Variants in EGF observed in about 807,000 individuals in gnomAD.
EGF encodes the protein epidermal growth factor.
EGF carries 95 observed loss-of-function variants against 143.8 expected under a neutral mutation model. That is an observed-to-expected ratio of 0.66 (90% CI 0.56 to 0.78). The LOEUF (loss-of-function observed/expected upper bound fraction) is 0.78. EGF is among the 30% of genes least tolerant of loss of function. The pLI is 0.00. For synonymous variants in EGF, 510 were observed against 510.5 expected (o/e 1.00, Z 0.01); for missense variants, 1,320 against 1,470.9 (o/e 0.90, Z 1.68).
At chr4:109,982,303 C>T (rs1749494306) in intron 15 of EGF, among the ~76,000 whole-genome samples, 2 of 151,348 alleles carry the variant, frequency 1.3e-5, no homozygotes, top group South Asian at 4.2e-4. Context: ...GCTACCCTGC[C>T]CAGCCAATTT....
chr4:109,979,498 C>G (rs967225511), intron 13 of EGF, among the ~76,000 whole-genome samples: 2 of 152,060 alleles, frequency 1.3e-5, no homozygotes, highest in Non-Finnish European at 2.9e-5. Context: ...TGGGGAGACT[C>G]TTATACAATT....
Position 109,945,263 on chromosome 4 carries a change from A to C in EGF, c.928A>C (p.Thr310Pro). 1 of 1,613,878 alleles carries C rather than the reference A, an allele frequency of 6.2e-7. No individual in the cohort carries two copies. The highest frequency in any genetic ancestry group is 8.5e-7 in the Non-Finnish European group (1 of 1,179,884). Residue 310 changes from threonine (T) to proline (P), a missense_variant, in exon 5 of 24, where the codon ACT (threonine) becomes CCT (proline). Coordinates refer to ENST00000265171, the MANE Select transcript of EGF (RefSeq NM_001963.6). ...TGCACAACCCAAGGCAGAAGATGAC[A>C]CTTGGGAGCCTGGTGAGTCATCGTT... ...PLAQPKAEDD[T>P]WEPEQKLCKL...
chr4:109,991,503 G>A (rs1388688443), intron 18 of EGF, among the ~76,000 whole-genome samples: 1 of 152,070 alleles, frequency 6.6e-6, no homozygotes, highest in Non-Finnish European at 1.5e-5. Flanking sequence ...ATGGCGCGGA[G>A]GAAACATGGG....
rs140612901 is a variant in EGF, at chr4:110,013,661, G to A, written c.*2206G>A. On this transcript the variant is annotated 3_prime_UTR_variant, in exon 24 of 24. Coordinates refer to ENST00000265171, the MANE Select transcript of EGF (RefSeq NM_001963.6). ...TCCCTAACTCTCATCGTCTCATTGC[G>A]CGCAACGCCTGATTGAGCTTCTGTT... is the stretch of plus-strand genomic sequence containing the variant. Among the ~76,000 whole-genome samples, 97 of 151,948 alleles carry A rather than the reference G, an allele frequency of 6.4e-4. No homozygotes were observed. Among genetic ancestry groups the A allele is most frequent in the African/African-American group, 2.2e-3 (90 of 41,456 alleles).
Position 109,932,360 on chromosome 4 carries a change from C to CATATATATATATATATATATATAT in EGF, c.128-8569_128-8568insTATATATATATATATATATATATA, listed in dbSNP as rs57424246. 2.1e-3 allele frequency among the ~76,000 whole-genome samples: 178 copies of CATATATATATATATATATATATAT among 86,802 alleles called. 2 individuals carry two copies. Among genetic ancestry groups the CATATATATATATATATATATATAT allele is most frequent in the African/African-American group, 3.6e-3 (81 of 22,580 alleles). The allele number at this position is 86,802 out of a possible 152,430, so 56.9% of individuals were successfully genotyped here. A position where few individuals can be genotyped will look rare whatever the true frequency, so the allele number is the denominator to read the frequency against. On this transcript the variant is annotated intron_variant, in intron 1 of 23. Coordinates refer to ENST00000265171, the MANE Select transcript of EGF (RefSeq NM_001963.6). The stretch of plus-strand genomic sequence containing the variant: ...TTTACATGAAAACCTCCCATTTAGT[C>CATATATATATATATATATATATAT]ATATATATATATATATAAATTTTTT...
At chr4:109,938,647 G>A (rs1400427678) in intron 1 of EGF, among the ~76,000 whole-genome samples, 1 of 152,170 alleles carries the variant, frequency 6.6e-6, no homozygotes, top group Non-Finnish European at 1.5e-5. Context: ...TCCCATCTTA[G>A]CGGTTTTATC....
At chr4:109,973,265 C>T (rs1218332418) in intron 11 of EGF, among the ~76,000 whole-genome samples, 7 of 152,166 alleles carry the variant, frequency 4.6e-5, no homozygotes, top group Non-Finnish European at 2.9e-5. Flanking sequence ...CATCTCCTGC[C>T]TGCCTCGCCC....
At chr4:109,987,667 T>C in intron 16 of EGF, 77 bp from the exon 17 acceptor site, 1 of 1,211,068 alleles carries the variant, frequency 8.3e-7, no homozygotes, top group East Asian at 2.3e-5. Context: ...TGGACTGTTC[T>C]GTAGAACCAG....
chr4:109,961,005 A>G lies in EGF; in HGVS notation c.1189+16A>G. The G allele has an allele frequency of 1.2e-6, 2 of 1,613,598 alleles. No individual in the cohort carries two copies. The highest frequency in any genetic ancestry group is 1.7e-6 in the Non-Finnish European group (2 of 1,179,670). ...CGATGTCATCGTAAGTTATAGCAAC[A>G]AGTATTTATTGCATTAGTTTTCTTC... On this transcript the variant is annotated intron_variant, in intron 7 of 23. Transcript: ENST00000265171.
chr4:109,945,012 T>C, intron 4 of EGF, 61 bp from the exon 5 acceptor site: 1 of 1,551,564 alleles, frequency 6.4e-7, no homozygotes, highest in South Asian at 1.1e-5. Context: ...TGAAGTGAAA[T>C]TCTAATAAGA....
chr4:109,997,777 CG>C (rs1261970330), intron 20 of EGF, among the ~76,000 whole-genome samples: 1 of 152,040 alleles, frequency 6.6e-6, no homozygotes, highest in African/African-American at 2.4e-5. Flanking sequence ...GTGGGAGAAT[CG>C]CTTGAGCCCA....
chr4:109,996,759 G>C (rs1484863099), intron 20 of EGF, among the ~76,000 whole-genome samples: 1 of 152,172 alleles, frequency 6.6e-6, no homozygotes, highest in Non-Finnish European at 1.5e-5. Context: ...CAGAGGAAGT[G>C]AGAGTTGGGA....
chr4:109,959,205 C>G, intron 5 of EGF, 107 bp from the exon 6 acceptor site: 1 of 1,543,656 alleles, frequency 6.5e-7, no homozygotes, highest in Non-Finnish European at 8.8e-7. Flanking sequence ...AGAGATGCAG[C>G]TGTAGACGTT....
rs1224963910 is a variant in EGF, at chr4:109,943,500, T to C, written c.509+65T>C. ...AATCTAGTGAAGATTGATAGAATTA[T>C]AACATTGTAAATTCAAAGGGATCCT... is the stretch of plus-strand genomic sequence containing the variant. On this transcript the variant is annotated intron_variant, in intron 3 of 23. Coordinates refer to ENST00000265171, the MANE Select transcript of EGF (RefSeq NM_001963.6). The C allele has an allele frequency of 3.9e-6, 6 of 1,550,436 alleles. No homozygotes were observed. In the Admixed American group the frequency reaches 1.0e-4, roughly 26 times the overall value.
chr4:109,950,458 T>G (rs1384805063), intron 5 of EGF, among the ~76,000 whole-genome samples: 1 of 152,128 alleles, frequency 6.6e-6, no homozygotes, highest in East Asian at 1.9e-4. Context: ...AGTATCCCTG[T>G]CTCCATTTTC....
intron 22 of EGF, among the ~76,000 whole-genome samples, chr4:110,006,203 G>T (rs370825264): frequency 6.6e-5 from 10 of 151,940 alleles, no homozygotes; most frequent in African/African-American, 2.4e-4. Flanking sequence ...AACTTTGCTG[G>T]GTGTGGTGGT....
chr4:109,916,639 G>A (rs140106078), intron 1 of EGF, among the ~76,000 whole-genome samples: 1 of 152,004 alleles, frequency 6.6e-6, no homozygotes, highest in East Asian at 1.9e-4. Flanking sequence ...TTAATGTGGT[G>A]ATTCTAACCA....
At chr4:109,953,075 T>C (rs1254668786) in intron 5 of EGF, among the ~76,000 whole-genome samples, 5 of 152,210 alleles carry the variant, frequency 3.3e-5, no homozygotes, top group Non-Finnish European at 7.3e-5. Flanking sequence ...TTGTTACCTA[T>C]AAACTGGTAG....
At chr4:109,962,053 A>C in intron 8 of EGF, 68 bp downstream of exon 8, 1 of 1,604,432 alleles carries the variant, frequency 6.2e-7, no homozygotes, top group Non-Finnish European at 8.5e-7. Flanking sequence ...GACATCTAAA[A>C]ATTGATCTTG....
Sources: gnomAD v4.1 joint callset for allele counts (sites outside exome capture counted in the v4.1 genomes callset) on GRCh38, gnomAD v4.1.1 for gene constraint, MANE v1.5 for transcripts, NCBI Gene and HGNC (gene_info 2026-07-23, HGNC 2026-07-21) for gene names.